The following COBL variants were observed in gnomAD, a reference collection of about 807,000 sequenced individuals.
COBL encodes the protein protein cordon-bleu.
In COBL, 51 loss-of-function variants were observed where a neutral mutation model predicts 98.8. That is an observed-to-expected ratio of 0.52 (90% CI 0.41 to 0.65). COBL has a LOEUF of 0.65. COBL is among the 30% of genes least tolerant of loss of function. COBL has a pLI of 0.00. For missense variants in COBL, 1,617 were observed against 1,617.5 expected (o/e 1.00, Z 0.01); for synonymous variants, 634 against 651.7 (o/e 0.97, Z 0.41).
intron 4 of COBL, among the ~76,000 whole-genome samples, chr7:51,188,480 C>A (rs970771016): frequency 6.6e-5 from 10 of 152,180 alleles, no homozygotes; most frequent in Non-Finnish European, 1.2e-4. Context: ...TTGGCAGGGA[C>A]GGTAATCAAA....
chr7:51,310,077 A>G (rs1030153849), intron 1 of COBL, among the ~76,000 whole-genome samples: 2 of 152,236 alleles, frequency 1.3e-5, no homozygotes, highest in African/African-American at 4.8e-5. Flanking sequence ...CAAAGGCTGG[A>G]GCCTCGCTGT....
chr7:51,036,483 C>T (rs1788656143), intron 8 of COBL, among the ~76,000 whole-genome samples: 1 of 152,082 alleles, frequency 6.6e-6, no homozygotes, highest in South Asian at 2.1e-4. Context: ...CTAAATGCTC[C>T]TGTGTCACAA....
chr7:51,064,073 T>C lies in COBL; in HGVS notation c.1097-20381A>G, dbSNP rs1791655065. Among the ~76,000 whole-genome samples the C allele has an allele frequency of 2.0e-5, 3 of 152,224 alleles. No individual in the cohort carries two copies. The South Asian group carries it at 6.2e-4, about 32-fold the overall frequency. On this transcript the variant is annotated intron_variant, in intron 7 of 12. Coordinates refer to ENST00000265136, the MANE Select transcript of COBL (RefSeq NM_015198.5). The stretch of plus-strand genomic sequence containing the variant: ...CATCCCCTTTGTGGAGCAACCTGGT[T>C]GTCTGGGAGATGAACCCTGATTATC...
intron 1 of COBL, among the ~76,000 whole-genome samples, chr7:51,232,942 GT>G (rs1563069852): frequency 2.6e-5 from 4 of 152,200 alleles, no homozygotes; most frequent in African/African-American, 9.7e-5. Context: ...GACGCTGTGT[GT>G]TAGTTTAATG....
chr7:51,091,894 G>GA (rs1794843566), intron 6 of COBL, among the ~76,000 whole-genome samples: 1 of 151,622 alleles, frequency 6.6e-6, no homozygotes, highest in Non-Finnish European at 1.5e-5. Flanking sequence ...TAAAAACGGA[G>GA]AAAAAAAACG....
At chr7:51,238,075 C>A (rs537374159) in intron 1 of COBL, among the ~76,000 whole-genome samples, 1 of 152,218 alleles carries the variant, frequency 6.6e-6, no homozygotes, top group Non-Finnish European at 1.5e-5. Flanking sequence ...AGATGGCCCA[C>A]GCCAGCCACC....
intron 1 of COBL, among the ~76,000 whole-genome samples, chr7:51,294,398 C>T (rs1801210648): frequency 6.7e-6 from 1 of 149,752 alleles, no homozygotes; most frequent in Admixed American, 6.7e-5. Flanking sequence ...TTTAGGAGGC[C>T]AAGGCAGGTG....
At chr7:51,135,351 T>C (rs1409898546) in intron 6 of COBL, among the ~76,000 whole-genome samples, 1 of 152,102 alleles carries the variant, frequency 6.6e-6, no homozygotes. Context: ...TTTAGGGATA[T>C]GAAGGACTAA....
intron 1 of COBL, among the ~76,000 whole-genome samples, chr7:51,244,124 C>G (rs994741015): frequency 6.6e-6 from 1 of 152,186 alleles, no homozygotes; most frequent in African/African-American, 2.4e-5. Flanking sequence ...CATGTGTGCT[C>G]AGCTCCCACC....
chr7:51,261,103 G>T (rs887072370), intron 1 of COBL, among the ~76,000 whole-genome samples: 1 of 152,080 alleles, frequency 6.6e-6, no homozygotes, highest in African/African-American at 2.4e-5. Flanking sequence ...CAGCCCCACC[G>T]CAGGAGATGT....
intron 2 of COBL, among the ~76,000 whole-genome samples, chr7:51,213,398 T>C (rs1477744624): frequency 2.6e-5 from 4 of 152,182 alleles, no homozygotes; most frequent in Admixed American, 2.6e-4. Context: ...GTGCTCCTTA[T>C]GAGAACCTAG....
At chr7:51,239,793 C>A (rs960413627) in intron 1 of COBL, among the ~76,000 whole-genome samples, 1 of 152,164 alleles carries the variant, frequency 6.6e-6, no homozygotes, top group African/African-American at 2.4e-5. Context: ...TGGTATTTTG[C>A]CATGGAAATG....
At chr7:51,139,682 G>C (rs1799555233) in intron 5 of COBL, among the ~76,000 whole-genome samples, 1 of 152,130 alleles carries the variant, frequency 6.6e-6, no homozygotes, top group Admixed American at 6.5e-5. Flanking sequence ...GCGAATACTT[G>C]TGCTTCATTT....
chr7:51,065,211 T>C lies in COBL; in HGVS notation c.1096+19955A>G, dbSNP rs572661444. 2.4e-5 allele frequency: 17 copies of C among 703,308 alleles called. No homozygotes were observed. In the East Asian group the frequency reaches 3.2e-4, roughly 13 times the overall value. The allele number at this position is 703,308 out of a possible 1,614,324, so 43.6% of individuals were successfully genotyped here. Reference sequence around the variant, plus strand: ...AGACACAAGATGGGTTGTGTGTGTGTGCGTGTGTGTGTCTAAGTGTGCACA... The same window carrying C: ...AGACACAAGATGGGTTGTGTGTGTGCGCGTGTGTGTGTCTAAGTGTGCACA... On this transcript the variant is annotated intron_variant, in intron 7 of 12. Coordinates refer to ENST00000265136, the MANE Select transcript of COBL (RefSeq NM_015198.5).
At chr7:51,081,615 A>G (rs1050278630) in intron 7 of COBL, among the ~76,000 whole-genome samples, 2 of 152,200 alleles carry the variant, frequency 1.3e-5, no homozygotes, top group South Asian at 4.1e-4. Flanking sequence ...GGAGCCCAGG[A>G]GAAAGCGAGG....
At chr7:51,192,460 G>T (rs1311010932) in intron 3 of COBL, among the ~76,000 whole-genome samples, 1 of 151,998 alleles carries the variant, frequency 6.6e-6, no homozygotes, top group African/African-American at 2.4e-5. Context: ...ACACAAATTA[G>T]CCGGGTGTGG....
intron 6 of COBL, among the ~76,000 whole-genome samples, chr7:51,133,647 A>C (rs925930254): frequency 6.6e-6 from 1 of 152,218 alleles, no homozygotes; most frequent in Non-Finnish European, 1.5e-5. Context: ...TGTACAATCA[A>C]TCATTCTGGT....
intron 7 of COBL, among the ~76,000 whole-genome samples, chr7:51,051,024 T>C (rs558863630): frequency 6.6e-6 from 1 of 152,352 alleles, no homozygotes; most frequent in East Asian, 1.9e-4. Context: ...CCTAGATTTA[T>C]TTTCCGTTAT....
At chr7:51,315,422 C>T (rs1273971203) in intron 1 of COBL, among the ~76,000 whole-genome samples, 3 of 152,216 alleles carry the variant, frequency 2.0e-5, no homozygotes, top group Non-Finnish European at 4.4e-5. Flanking sequence ...TTGGGCAACA[C>T]GCCCGCCTAT....
Sources: allele counts gnomAD v4.1 joint callset (sites outside exome capture counted in the v4.1 genomes callset), GRCh38; gene constraint gnomAD v4.1.1; transcripts MANE v1.5; gene names NCBI Gene and HGNC (gene_info 2026-07-23, HGNC 2026-07-21).